MDN1: variants seen among roughly 807,000 people sequenced by gnomAD.
MDN1 encodes midasin AAA ATPase 1, also known as midasin.
Under a neutral mutation model 669.2 loss-of-function variants are expected in MDN1, and 266 were observed. That is an observed-to-expected ratio of 0.40 (90% CI 0.36 to 0.44). The LOEUF is 0.44. MDN1 is among the 20% of genes least tolerant of loss of function. The probability of loss-of-function intolerance (pLI) is 1.00; values close to 1 mark genes in which losing one functional copy is unlikely to be tolerated. For synonymous variants in MDN1, 2,385 were observed against 2,457.1 expected (o/e 0.97, Z 0.87); for missense variants, 5,940 against 6,754.0 (o/e 0.88, Z 4.22).
At chr6:89,796,566 C>G (rs1317320573) in intron 2 of MDN1, among the ~76,000 whole-genome samples, 1 of 151,940 alleles carries the variant, frequency 6.6e-6, no homozygotes, top group Non-Finnish European at 1.5e-5. Flanking sequence ...TTAATGTAAT[C>G]AGGTGGAATT....
intron 22 of MDN1, among the ~76,000 whole-genome samples, chr6:89,753,183 A>C (rs939341922): frequency 6.6e-6 from 1 of 152,176 alleles, no homozygotes. Context: ...AGTCCCACTT[A>C]CATTAAACGC....
intron 100 of MDN1, among the ~76,000 whole-genome samples, chr6:89,646,102 A>G (rs1808475317): frequency 6.6e-6 from 1 of 152,192 alleles, no homozygotes; most frequent in African/African-American, 2.4e-5. Context: ...GCATACATGA[A>G]AAGTTGGCCC....
At chr6:89,758,231 AG>A (rs1331020895) in intron 19 of MDN1, 23 bp downstream of exon 19, 1 of 1,571,444 alleles carries the variant, frequency 6.4e-7, no homozygotes, top group Non-Finnish European at 8.7e-7. Context: ...AAAAAAGGAA[AG>A]TCTCCAAGAA....
chr6:89,695,050 T>C lies in MDN1; in HGVS notation c.9771+555A>G, dbSNP rs975004990. Among the ~76,000 whole-genome samples, 12 of 152,244 alleles carry C rather than the reference T, an allele frequency of 7.9e-5. No individual in the cohort carries two copies. The highest frequency in any genetic ancestry group is 6.2e-4 in the South Asian group (3 of 4,824). ...GAATTCAAGACCAGCCTGGCCAAGA[T>C]GGTGAAACCCTGTCTCTACTAAAAA... On this transcript the variant is annotated intron_variant, in intron 61 of 101. Coordinates refer to ENST00000369393, the MANE Select transcript of MDN1 (RefSeq NM_014611.3). The surrounding 1 kb of genome is among the most constrained non-coding windows in gnomAD (Gnocchi z 4.1).
intron 71 of MDN1, among the ~76,000 whole-genome samples, chr6:89,684,356 C>T (rs1361230514): frequency 8.3e-6 from 1 of 120,400 alleles, no homozygotes; most frequent in African/African-American, 3.1e-5. Context: ...AAAACAAAAA[C>T]AAAAACAACA....
At chr6:89,740,005 A>G (rs1165185839) in intron 32 of MDN1, among the ~76,000 whole-genome samples, 1 of 152,226 alleles carries the variant, frequency 6.6e-6, no homozygotes, top group Non-Finnish European at 1.5e-5. Flanking sequence ...TGACTGTAAC[A>G]ATGACATTTC....
At chr6:89,704,642 A>G (rs1813399858) in intron 53 of MDN1, among the ~76,000 whole-genome samples, 1 of 152,180 alleles carries the variant, frequency 6.6e-6, no homozygotes, top group Admixed American at 6.5e-5. Context: ...GCTGGAGTGC[A>G]ATGGCACGAT....
intron 97 of MDN1, 132 bp downstream of exon 97, chr6:89,649,892 G>GT: frequency 1.1e-6 from 1 of 938,736 alleles, no homozygotes; most frequent in Non-Finnish European, 1.6e-6. Context: ...GGCCTAACAG[G>GT]TATTTCAAAA....
chr6:89,779,959 G>A (rs572464156), intron 11 of MDN1, among the ~76,000 whole-genome samples: 5 of 151,946 alleles, frequency 3.3e-5, no homozygotes, highest in South Asian at 2.1e-4. Context: ...CCAGCTACTC[G>A]GGAGGCTGAG....
At chr6:89,713,966 G>A (rs1814141913) in intron 46 of MDN1, among the ~76,000 whole-genome samples, 1 of 151,650 alleles carries the variant, frequency 6.6e-6, no homozygotes, top group Non-Finnish European at 1.5e-5. Flanking sequence ...ATGAACCTGG[G>A]AGGCGGAGCT....
At chr6:89,668,480 A>C (rs113370156) in intron 83 of MDN1, among the ~76,000 whole-genome samples, 105 of 152,382 alleles carry the variant, frequency 6.9e-4, no homozygotes, top group African/African-American at 2.2e-3. Context: ...TCCTTGAGTA[A>C]GGGCAGAACA....
chr6:89,691,009 C>T (rs1812343304), intron 63 of MDN1, among the ~76,000 whole-genome samples, 175 bp from the exon 64 acceptor site: 1 of 152,132 alleles, frequency 6.6e-6, no homozygotes, highest in Non-Finnish European at 1.5e-5. Flanking sequence ...TTTTGTTTTC[C>T]AAGTGTGTAG....
At chr6:89,742,948 G>T (rs138476435) in intron 31 of MDN1, among the ~76,000 whole-genome samples, 2 of 152,236 alleles carry the variant, frequency 1.3e-5, no homozygotes, top group East Asian at 1.9e-4. Flanking sequence ...GCACCTATGA[G>T]AAGTATTACT....
chr6:89,765,328 A>G (rs1001779356), intron 15 of MDN1, among the ~76,000 whole-genome samples: 12 of 152,218 alleles, frequency 7.9e-5, no homozygotes, highest in African/African-American at 2.9e-4. Context: ...CCTAAACAAA[A>G]AAGACTATAA....
intron 9 of MDN1, among the ~76,000 whole-genome samples, chr6:89,782,892 A>G (rs915416820): frequency 3.9e-5 from 6 of 152,322 alleles, no homozygotes; most frequent in Admixed American, 2.0e-4. Context: ...TTTCATGGAC[A>G]TGTATCAGTT....
chr6:89,697,862 G>A lies in MDN1; in HGVS notation c.9168+1003C>T, dbSNP rs76549323. Among the ~76,000 whole-genome samples, 3,761 of 152,110 alleles carry A rather than the reference G, an allele frequency of 0.025. 290 individuals carry two copies. In the East Asian group the frequency reaches 0.3, roughly 12 times the overall value. ...CTCCCAAAGTGCTAGGATTACAGGC[G>A]TGAGCTACAGCGCCTGACCAACACA... On this transcript the variant is annotated intron_variant, in intron 59 of 101. Transcript: ENST00000369393.
intron 57 of MDN1, 77 bp downstream of exon 57, chr6:89,699,982 GGTTT>G: frequency 7.4e-7 from 1 of 1,347,714 alleles, no homozygotes; most frequent in South Asian, 1.3e-5. Context: ...TCAAGTCTGT[GGTTT>G]GTTTATGGGT....
intron 84 of MDN1, 74 bp downstream of exon 84, chr6:89,667,940 T>G: frequency 3.8e-6 from 6 of 1,566,852 alleles, no homozygotes; most frequent in Admixed American, 1.8e-5. Flanking sequence ...TAAAAACCAT[T>G]TTTATGTGTA....
chr6:89,688,896 G>C (rs953275828), intron 65 of MDN1, 88 bp from the exon 66 acceptor site: 1 of 1,070,704 alleles, frequency 9.3e-7, no homozygotes, highest in Non-Finnish European at 1.4e-6. Context: ...AGGGCCAGGT[G>C]CAGTGGCTCA....
Sources: allele counts gnomAD v4.1 joint callset (sites outside exome capture counted in the v4.1 genomes callset), GRCh38; gene constraint gnomAD v4.1.1; non-coding constraint Gnocchi (gnomAD v3.1); transcripts MANE v1.5; gene names NCBI Gene and HGNC (gene_info 2026-07-23, HGNC 2026-07-21).